Variants in RGS7 observed in about 807,000 individuals in gnomAD.
RGS7 encodes regulator of G-protein signaling 7.
RGS7 carries 27 observed loss-of-function variants against 81.1 expected under a neutral mutation model. The ratio of observed to expected loss-of-function variants is 0.33; its 90% CI spans 0.25 to 0.46. The LOEUF (loss-of-function observed/expected upper bound fraction) is 0.46, where lower values mean the gene tolerates loss of function less well. Among genes scored for constraint, RGS7 ranks in the 20% least tolerant of loss-of-function variants. The pLI, the probability that RGS7 is intolerant of heterozygous loss-of-function variation, is 1.00. For synonymous variants in RGS7, 208 were observed against 207.7 expected (o/e 1.00, Z -0.01); for missense variants, 396 against 607.4 (o/e 0.65, Z 3.66).
In RGS7 at chr1:240,942,937, T is replaced by A. The variant is rs72756861; in HGVS notation, c.227-6231A>T. Among the ~76,000 whole-genome samples the A allele has an allele frequency of 3.9e-3, 593 of 152,296 alleles. 6 individuals are homozygous for A. Among genetic ancestry groups the A allele is most frequent in the Non-Finnish European group, 5.9e-3 (402 of 68,026 alleles). On this transcript the variant is annotated intron_variant, in intron 4 of 18. Transcript: ENST00000440928. ...AATGGACTATTACCATATTTAGAAA[T>A]TTCTGAAGTAAGTTTATTTTCTCAA... is the stretch of plus-strand genomic sequence containing the variant.
intron 3 of RGS7, among the ~76,000 whole-genome samples, chr1:241,073,497 A>G (rs1193153277): frequency 6.6e-6 from 1 of 152,250 alleles, no homozygotes; most frequent in African/African-American, 2.4e-5. Context: ...TAGCTTGTTC[A>G]GCAAACATTT....
At chr1:241,224,019 T>C (rs182796654) in intron 2 of RGS7, among the ~76,000 whole-genome samples, 147 of 147,546 alleles carry the variant, frequency 1.0e-3, no homozygotes, top group Middle Eastern at 7.0e-3. Flanking sequence ...AAAAAAAAAG[T>C]GTTTTATAAA....
intron 6 of RGS7, among the ~76,000 whole-genome samples, chr1:240,901,181 G>T (rs1210250340): frequency 1.3e-5 from 2 of 152,140 alleles, no homozygotes; most frequent in East Asian, 3.9e-4. Flanking sequence ...GATTTTCCAG[G>T]TACTGTCTAT....
intron 6 of RGS7, among the ~76,000 whole-genome samples, chr1:240,892,376 C>T (rs1668416238): frequency 6.6e-6 from 1 of 152,066 alleles, no homozygotes; most frequent in Admixed American, 6.5e-5. Flanking sequence ...TTTTTGTATG[C>T]TCACTTGACT....
intron 2 of RGS7, among the ~76,000 whole-genome samples, chr1:241,255,018 T>C (rs1336768240): frequency 6.6e-6 from 1 of 152,208 alleles, no homozygotes. Context: ...GAATAGAAGA[T>C]GACTGTTGAA....
intron 2 of RGS7, among the ~76,000 whole-genome samples, chr1:241,179,575 T>G (rs1420444595): frequency 6.6e-6 from 1 of 152,174 alleles, no homozygotes; most frequent in Non-Finnish European, 1.5e-5. Flanking sequence ...TAATATTTAC[T>G]GCATATTTAG....
intron 3 of RGS7, among the ~76,000 whole-genome samples, chr1:241,006,380 T>G (rs761758018): frequency 6.6e-6 from 1 of 152,228 alleles, no homozygotes; most frequent in African/African-American, 2.4e-5. Context: ...TTCTACCATC[T>G]CCTCAGGAGC....
intron 2 of RGS7, among the ~76,000 whole-genome samples, chr1:241,171,279 A>T (rs4659589): frequency 0.25 from 38,715 of 152,112 alleles, 5,242 homozygotes; most frequent in East Asian, 0.37. Flanking sequence ...TACTAAAAAA[A>T]AATCACATTA....
intron 2 of RGS7, among the ~76,000 whole-genome samples, chr1:241,162,962 T>C (rs1572945808): frequency 6.6e-6 from 1 of 152,250 alleles, no homozygotes; most frequent in South Asian, 2.1e-4. Flanking sequence ...AGTTCCAGAG[T>C]TGGCACATTG....
At chr1:241,067,788 T>C (rs1304729156) in intron 3 of RGS7, among the ~76,000 whole-genome samples, 1 of 152,160 alleles carries the variant, frequency 6.6e-6, no homozygotes, top group Non-Finnish European at 1.5e-5. Flanking sequence ...GTGCTGGGAT[T>C]ACAGGCATGA....
chr1:241,260,053 G>T (rs1049477819), intron 2 of RGS7, among the ~76,000 whole-genome samples: 5 of 152,078 alleles, frequency 3.3e-5, no homozygotes, highest in African/African-American at 1.2e-4. Flanking sequence ...CACACTGTCT[G>T]CCATCCATAT....
At chr1:241,325,340 G>A (rs2081431515) in intron 2 of RGS7, among the ~76,000 whole-genome samples, 1 of 152,180 alleles carries the variant, frequency 6.6e-6, no homozygotes, top group African/African-American at 2.4e-5. Flanking sequence ...GGATCCTTGT[G>A]CCTATTAGTT....
At chr1:241,160,827 CT>C (rs2069589734) in intron 2 of RGS7, among the ~76,000 whole-genome samples, 1 of 152,148 alleles carries the variant, frequency 6.6e-6, no homozygotes, top group African/African-American at 2.4e-5. Context: ...TTTGATTCAT[CT>C]TTTCCTGACC....
At chr1:240,894,420 T>G (rs893135972) in intron 6 of RGS7, among the ~76,000 whole-genome samples, 1 of 152,166 alleles carries the variant, frequency 6.6e-6, no homozygotes, top group Non-Finnish European at 1.5e-5. Flanking sequence ...ACCCCTCTCA[T>G]GTGTTCTCTT....
intron 2 of RGS7, among the ~76,000 whole-genome samples, chr1:241,287,751 A>ACG (rs1338767997): frequency 6.7e-6 from 1 of 148,628 alleles, no homozygotes; most frequent in East Asian, 1.9e-4. Context: ...ACACACATAC[A>ACG]CACACACACA....
intron 2 of RGS7, among the ~76,000 whole-genome samples, chr1:241,336,650 T>C (rs1456886603): frequency 1.3e-5 from 2 of 152,236 alleles, no homozygotes; most frequent in African/African-American, 4.8e-5. Context: ...AGAAACTCTT[T>C]TCTTTCTTAG....
At chr1:241,069,435 TA>T (rs2062296773) in intron 3 of RGS7, among the ~76,000 whole-genome samples, 2 of 152,316 alleles carry the variant, frequency 1.3e-5, no homozygotes, top group East Asian at 3.9e-4. Flanking sequence ...GAAAATTTGC[TA>T]ACATAAATTT....
chr1:241,029,259 A>T (rs1481690811), intron 3 of RGS7, among the ~76,000 whole-genome samples: 1 of 152,024 alleles, frequency 6.6e-6, no homozygotes, highest in Non-Finnish European at 1.5e-5. Flanking sequence ...AATACATTAC[A>T]CCCACTTTCT....
rs1477998729 is a variant in RGS7 at position 241,206,229 on chromosome 1, A to ATT, written c.79-107468_79-107467insAA. ...ATTTGCCCCATGACTTAAAGAATGA[A>ATT]CTTTTTTTTTTTTTTTTTGAGACAG... On this transcript the variant is annotated intron_variant, in intron 2 of 18. Coordinates refer to ENST00000440928, the MANE Select transcript of RGS7 (RefSeq NM_001364886.1). Among the ~76,000 whole-genome samples, 341 of 113,762 alleles carry ATT rather than the reference A, an allele frequency of 3.0e-3. 2 individuals are homozygous for ATT. Among genetic ancestry groups the ATT allele is most frequent in the African/African-American group, 0.012 (320 of 27,400 alleles). The allele number at this position is 113,762 out of a possible 152,430, so 74.6% of individuals were successfully genotyped here. A position where few individuals can be genotyped will look rare whatever the true frequency, so the allele number is the denominator to read the frequency against.
Sources: allele counts gnomAD v4.1 joint callset (sites outside exome capture counted in the v4.1 genomes callset), GRCh38; gene constraint gnomAD v4.1.1; transcripts MANE v1.5; gene names NCBI Gene and HGNC (gene_info 2026-07-23, HGNC 2026-07-21).